Variants in MGAM observed in about 807,000 individuals in gnomAD.
The protein encoded by MGAM is alpha-1,4-glucosidase.
MGAM carries 253 observed loss-of-function variants against 358.8 expected under a neutral mutation model. The ratio of observed to expected loss-of-function variants is 0.71; its 90% CI spans 0.64 to 0.78. MGAM has a LOEUF of 0.78. Ranked by LOEUF, MGAM falls within the 30% of genes least tolerant of loss-of-function variation. MGAM has a pLI of 0.00. For missense variants in MGAM, 3,080 were observed against 3,432.6 expected (o/e 0.90, Z 2.57); for synonymous variants, 1,105 against 1,227.1 (o/e 0.90, Z 2.08).
chr7:141,995,558 G>A (rs1205673067), upstream of MGAM, among the ~76,000 whole-genome samples: 2 of 152,126 alleles, frequency 1.3e-5, no homozygotes, highest in Non-Finnish European at 2.9e-5. Context: ...GAATACTGGG[G>A]TCATTTATTT....
At chr7:141,994,206 C>A (rs1554447916), upstream of MGAM, among the ~76,000 whole-genome samples, 2 of 152,168 alleles carry the variant, frequency 1.3e-5, no homozygotes, top group African/African-American at 4.8e-5. Context: ...GGTTTATAAG[C>A]ATGTCTCAGC....
intron 65 of MGAM, among the ~76,000 whole-genome samples, chr7:142,097,238 G>A (rs114703439): frequency 6.6e-6 from 1 of 151,988 alleles, no homozygotes; most frequent in Non-Finnish European, 1.5e-5. Context: ...TGTCCAGCCC[G>A]CAAATCTTAT....
intron 1 of MGAM, among the ~76,000 whole-genome samples, chr7:141,998,650 C>G (rs1270665773): frequency 6.6e-6 from 1 of 152,176 alleles, no homozygotes; most frequent in African/African-American, 2.4e-5. Flanking sequence ...TTTATTCAGT[C>G]TATCATTGAT....
At chr7:142,038,488 G>A (rs1396725443) in intron 18 of MGAM, 43 bp from the exon 19 acceptor site, 4 of 1,439,988 alleles carry the variant, frequency 2.8e-6, no homozygotes, top group Non-Finnish European at 3.8e-6. Flanking sequence ...AAATCTCATT[G>A]GCAGTGGCTC....
intron 12 of MGAM, 48 bp from the exon 13 acceptor site, chr7:142,031,630 CTA>C (rs1554463789): frequency 1.6e-6 from 2 of 1,276,236 alleles, no homozygotes; most frequent in East Asian, 2.3e-5. Flanking sequence ...TTCCTTTAGT[CTA>C]TATTTGTTTA....
chr7:142,034,796 G>A lies in MGAM; in HGVS notation c.1914G>A (p.Trp638Ter), dbSNP rs782036029. The A allele has an allele frequency of 3.7e-6, 6 of 1,613,358 alleles. No homozygotes were observed. The highest frequency in any genetic ancestry group is 5.1e-6 in the Non-Finnish European group (6 of 1,179,552). ...CTGCCACCTGGGATGACCTGAGATG[G>A]TCCATCCCTGGCGTGCTTGAGTTCA... ...DNTATWDDLR[W>*]SIPGVLEFNL... The change falls in exon 16 of 71, where the codon TGG becomes TGA. Residue 638 changes from tryptophan (W) to a stop codon, truncating the protein, a stop_gained. Transcript: ENST00000475668. LOFTEE classifies it high-confidence loss of function.
At position 142,103,373 on chromosome 7, in the gene MGAM, C is replaced by T; in HGVS notation, c.8118C>T (p.Thr2706=). ...GGGGAGTGGGCAGTGTCCCCGTTAC[C>T]AGTGTCAGCATCTCTGTGAGTGGCA... ...EIWGVGSVPV[T]SVSISVSGMV... Residue 2706 remains threonine (T), a synonymous_variant, in exon 70 of 71, where the codon ACC becomes ACT. Coordinates refer to ENST00000475668, the MANE Select transcript of MGAM (RefSeq NM_001365693.1). The T allele has an allele frequency of 6.2e-7, 1 of 1,613,266 alleles. No homozygotes were observed. Among genetic ancestry groups the T allele is most frequent in the South Asian group, 1.1e-5 (1 of 90,904 alleles).
chr7:142,060,903 A>G (rs972406838), intron 34 of MGAM, among the ~76,000 whole-genome samples: 1 of 152,056 alleles, frequency 6.6e-6, no homozygotes, highest in Non-Finnish European at 1.5e-5. Context: ...GGGTTTCTCA[A>G]CTTTGCTTTT....
intron 37 of MGAM, 133 bp from the exon 38 acceptor site, chr7:142,065,201 AC>A: frequency 1.6e-6 from 2 of 1,240,596 alleles, no homozygotes; most frequent in Middle Eastern, 2.8e-4. Flanking sequence ...AACTCCTATT[AC>A]AGCTCAGAGT....
intron 66 of MGAM, among the ~76,000 whole-genome samples, chr7:142,098,666 A>G (rs1253026950): frequency 6.6e-6 from 1 of 152,102 alleles, no homozygotes; most frequent in Non-Finnish European, 1.5e-5. Flanking sequence ...AGGCTCTGCT[A>G]TGTGTGTCCC....
chr7:142,073,518 A>ATGTGT (rs1813511176), intron 44 of MGAM, among the ~76,000 whole-genome samples: 1 of 146,352 alleles, frequency 6.8e-6, no homozygotes, highest in Non-Finnish European at 1.5e-5. Flanking sequence ...TCTTTAAGTA[A>ATGTGT]TGTGTTGTGT....
chr7:142,088,824 T>TTCTATC (rs1300117249), intron 57 of MGAM, among the ~76,000 whole-genome samples: 3 of 62,914 alleles, frequency 4.8e-5, no homozygotes, highest in Middle Eastern at 0.011. Flanking sequence ...CTATGTACCA[T>TTCTATC]CTATCTATCT....
chr7:142,071,089 G>T lies in MGAM; in HGVS notation c.5157G>T (p.Trp1719Cys). The change falls in exon 44 of 71, where the codon TGG (tryptophan) becomes TGT (cysteine). Residue 1719 changes from tryptophan (W) to cysteine (C), a missense_variant. By Grantham distance (215) the Trp-to-Cys change is radical. This residue lies in a region of MGAM where 932 missense variants were observed against 1,198.2 expected (regional missense o/e 0.78). Coordinates refer to ENST00000475668, the MANE Select transcript of MGAM (RefSeq NM_001365693.1). Reference protein sequence around the residue: ...LHVRGGYILPWQEPALNTHLS... With the variant: ...LHVRGGYILPCQEPALNTHLS... ...TCCGTGGGGGCTACATCCTGCCCTG[G>T]CAAGAGCCTGCACTGAACACCCACT... is the stretch of plus-strand genomic sequence containing the variant. The T allele has an allele frequency of 1.9e-6, 3 of 1,555,858 alleles. 1 individual carries two copies. Among genetic ancestry groups the T allele is most frequent in the African/African-American group, 2.7e-5 (2 of 74,712 alleles).
rs1811076413 is a variant in MGAM, at chr7:142,052,389, C to G, written c.2901C>G (p.Tyr967Ter). The G allele has an allele frequency of 6.2e-7, 1 of 1,613,088 alleles. No individual in the cohort carries two copies. The highest frequency in any genetic ancestry group is 1.7e-5 in the Admixed American group (1 of 59,902). Residue 967 changes from tyrosine to a stop codon, truncating the protein, a stop_gained, in exon 25 of 71, where the codon TAC (tyrosine) becomes TAG (stop). Transcript: ENST00000475668. LOFTEE classifies it high-confidence loss of function. ...KIRDEEKIDCYPDENGASAEN... is the reference protein window; with the variant it reads ...KIRDEEKIDC ...GGGATGAAGAAAAAATAGACTGTTA[C>G]CCTGATGAGAATGGTGCTTCTGCCG... is the stretch of plus-strand genomic sequence containing the variant.
intron 54 of MGAM, among the ~76,000 whole-genome samples, chr7:142,085,112 A>G: frequency 6.8e-6 from 1 of 146,754 alleles, no homozygotes; most frequent in East Asian, 2.0e-4. Context: ...CTAATCACTG[A>G]TGGAATACAC....
chr7:141,996,029 G>C lies in MGAM; in HGVS notation c.-3+99G>C, dbSNP rs187828434. On this transcript the variant is annotated intron_variant, in intron 1 of 70. Transcript: ENST00000475668. ...CTCTTTTAGTCAAAATGCCCTTGTT[G>C]GCCGGGTGCAGTGGCTCACACTTGT... The C allele has an allele frequency of 4.3e-4, 66 of 152,382 alleles. 1 individual carries two copies. The highest frequency in any genetic ancestry group is 1.6e-3 in the African/African-American group (65 of 41,566). 9.4% of individuals were successfully genotyped at this position (152,382 alleles called of 1,614,324 possible).
chr7:142,008,147 T>A (rs898680117), intron 2 of MGAM, among the ~76,000 whole-genome samples: 1 of 152,226 alleles, frequency 6.6e-6, no homozygotes, highest in African/African-American at 2.4e-5. Flanking sequence ...AGTAATACTT[T>A]GTTTGTAAAA....
At position 142,000,225 on chromosome 7, in the gene MGAM, A is replaced by G. The variant is rs149129999; in HGVS notation, c.-3+4295A>G. Among the ~76,000 whole-genome samples, 859 of 152,230 alleles carry G rather than the reference A, an allele frequency of 5.6e-3. 7 individuals are homozygous for G. The highest frequency in any genetic ancestry group is 0.013 in the African/African-American group (544 of 41,526). On this transcript the variant is annotated intron_variant, in intron 1 of 70. Transcript: ENST00000475668. The stretch of plus-strand genomic sequence containing the variant: ...GGTGCTGATTTAGGGTCTCTCATGA[A>G]TCCAGCCAATATGTCAGCCAGGACT...
intron 26 of MGAM, among the ~76,000 whole-genome samples, chr7:142,053,226 C>T (rs1811186519): frequency 6.6e-6 from 1 of 152,080 alleles, no homozygotes; most frequent in Non-Finnish European, 1.5e-5. Context: ...TACGGAGAGA[C>T]AACTTGGGAG....
Sources: allele counts gnomAD v4.1 joint callset (sites outside exome capture counted in the v4.1 genomes callset), GRCh38; gene constraint gnomAD v4.1.1; regional missense constraint gnomAD v4.1.1; transcripts MANE v1.5; gene names NCBI Gene and HGNC (gene_info 2026-07-23, HGNC 2026-07-21).